FCHO2: variants seen among roughly 807,000 people sequenced by gnomAD.
FCHO2 encodes FCH and mu domain containing endocytic adaptor 2, also known as F-BAR domain only protein 2.
FCHO2 carries 43 observed loss-of-function variants against 114.1 expected under a neutral mutation model. That is an observed-to-expected ratio of 0.38 (90% CI 0.30 to 0.49). The LOEUF (loss-of-function observed/expected upper bound fraction) is 0.49. Ranked by LOEUF, FCHO2 falls within the 20% of genes least tolerant of loss-of-function variation. FCHO2 has a pLI of 0.97. For missense variants in FCHO2, 807 were observed against 950.4 expected, an observed-to-expected ratio of 0.85 and a Z score of 1.98; for synonymous variants, 293 against 315.2, an observed-to-expected ratio of 0.93 and a Z score of 0.75.
chr5:73,005,217 C>G (rs1364051711), intron 5 of FCHO2, among the ~76,000 whole-genome samples: 1 of 152,156 alleles, frequency 6.6e-6, no homozygotes, highest in Non-Finnish European at 1.5e-5. Flanking sequence ...TCTTACCAAA[C>G]CCAAACCTCA....
In FCHO2 at chr5:73,051,292, T is replaced by A. The variant is rs991776817; in HGVS notation, c.940-57T>A. The A allele has an allele frequency of 9.2e-6, 11 of 1,193,608 alleles. No individual in the cohort carries two copies. The African/African-American group carries it at 1.7e-4, about 19-fold the overall frequency. The allele number at this position is 1,193,608 out of a possible 1,614,324, so 73.9% of individuals were successfully genotyped here. On this transcript the variant is annotated intron_variant, in intron 11 of 25. Coordinates refer to ENST00000430046, the MANE Select transcript of FCHO2 (RefSeq NM_138782.3). ...AATACCTGAGGCTACTTTGATAATC[T>A]CTAATAATTTTGTACATTGGAGTTG...
chr5:72,968,730 T>C, intron 2 of FCHO2, 141 bp downstream of exon 2: 1 of 612,908 alleles, frequency 1.6e-6, no homozygotes, highest in Non-Finnish European at 2.6e-6. Flanking sequence ...TATCTATCTA[T>C]TTGTATCTAT....
intron 22 of FCHO2, among the ~76,000 whole-genome samples, chr5:73,080,744 AT>A (rs1310860048): frequency 6.6e-6 from 1 of 152,184 alleles, no homozygotes; most frequent in Non-Finnish European, 1.5e-5. Flanking sequence ...ACAGGTGTTC[AT>A]TTATTCAACA....
rs779177400 is a variant in FCHO2 at position 73,041,347 on chromosome 5, T to G, written c.939+32T>G. 16 of 1,362,588 alleles carry G rather than the reference T, an allele frequency of 1.2e-5. No homozygotes were observed. The African/African-American group carries it at 2.2e-4, about 18-fold the overall frequency. The allele number at this position is 1,362,588 out of a possible 1,614,324, so 84.4% of individuals were successfully genotyped here. On this transcript the variant is annotated intron_variant, in intron 11 of 25. Transcript: ENST00000430046. The stretch of plus-strand genomic sequence containing the variant: ...AGATTTAACTTTGATATAAACAATT[T>G]AAATTAGTTATTTTCATTAGGACAA...
At chr5:72,965,804 G>C (rs551114381) in intron 1 of FCHO2, among the ~76,000 whole-genome samples, 31 of 152,160 alleles carry the variant, frequency 2.0e-4, no homozygotes, top group Non-Finnish European at 3.8e-4. Context: ...GACTTGTCCA[G>C]GGTTGTCTAT....
intron 6 of FCHO2, among the ~76,000 whole-genome samples, chr5:73,015,103 A>G (rs1199863488): frequency 6.6e-6 from 1 of 150,490 alleles, no homozygotes; most frequent in Non-Finnish European, 1.5e-5. Flanking sequence ...AAAAAGCTCC[A>G]AATTCTAGAA....
At chr5:72,978,695 A>G (rs943860433) in intron 2 of FCHO2, among the ~76,000 whole-genome samples, 4 of 152,184 alleles carry the variant, frequency 2.6e-5, no homozygotes, top group Non-Finnish European at 5.9e-5. Flanking sequence ...ATGGATTTCA[A>G]AGGGAATGCT....
At chr5:72,996,527 AC>A (rs1754112170) in intron 5 of FCHO2, among the ~76,000 whole-genome samples, 1 of 145,658 alleles carries the variant, frequency 6.9e-6, no homozygotes, top group Admixed American at 6.8e-5. Flanking sequence ...CTCTCTGCTT[AC>A]CCCCCTCCCT....
intron 17 of FCHO2, among the ~76,000 whole-genome samples, chr5:73,059,503 C>T (rs1757752202): frequency 6.6e-6 from 1 of 152,074 alleles, no homozygotes; most frequent in South Asian, 2.1e-4. Context: ...CTATCTGTCA[C>T]ACTTTGGCAG....
chr5:72,967,960 T>G (rs1459907512), intron 1 of FCHO2, among the ~76,000 whole-genome samples: 1 of 149,390 alleles, frequency 6.7e-6, no homozygotes, highest in African/African-American at 2.5e-5. Context: ...AGTCTTGCTC[T>G]GTCACCCAGG....
intron 1 of FCHO2, among the ~76,000 whole-genome samples, chr5:72,963,214 T>C (rs1751972140): frequency 6.6e-6 from 1 of 152,108 alleles, no homozygotes; most frequent in South Asian, 2.1e-4. Context: ...TTGGAAAGTA[T>C]AATATAAGTA....
chr5:73,088,032 A>T, intron 25 of FCHO2, 36 bp from the exon 26 acceptor site: 1 of 1,612,282 alleles, frequency 6.2e-7, no homozygotes, highest in South Asian at 1.1e-5. Context: ...GTGCATTTGA[A>T]ATTGTAATTG....
chr5:72,971,336 A>G (rs1040592507), intron 2 of FCHO2, among the ~76,000 whole-genome samples: 4 of 151,062 alleles, frequency 2.6e-5, no homozygotes, highest in South Asian at 4.2e-4. Context: ...AAGTGTTCCT[A>G]TTTCTCCACA....
intron 6 of FCHO2, among the ~76,000 whole-genome samples, chr5:73,012,911 T>G (rs1389364038): frequency 6.6e-6 from 1 of 152,182 alleles, no homozygotes; most frequent in Non-Finnish European, 1.5e-5. Flanking sequence ...AAGATATTTC[T>G]AAATAAATAA....
chr5:73,016,227 T>C (rs1478537307), intron 7 of FCHO2, among the ~76,000 whole-genome samples: 8 of 152,020 alleles, frequency 5.3e-5, no homozygotes, highest in Admixed American at 5.2e-4. Flanking sequence ...GGCAGGAAGA[T>C]TACTTGAGCC....
At position 73,071,425 on chromosome 5, in the gene FCHO2, T is replaced by C. The variant is rs57605962; in HGVS notation, c.1579+2646T>C. ...GGAGATGATAGGAGATAGTAGGGAG[T>C]GGGTGTCTGTGTTTTATTTCTGAGC... On this transcript the variant is annotated intron_variant, in intron 19 of 25. Transcript: ENST00000430046. 4.3e-3 allele frequency among the ~76,000 whole-genome samples: 649 copies of C among 151,888 alleles called. 7 individuals carry two copies. The highest frequency in any genetic ancestry group is 0.015 in the African/African-American group (619 of 41,464).
At chr5:73,079,889 A>G (rs1186933512) in intron 22 of FCHO2, among the ~76,000 whole-genome samples, 2 of 152,176 alleles carry the variant, frequency 1.3e-5, no homozygotes, top group Non-Finnish European at 2.9e-5. Context: ...GAACAACTGT[A>G]TATGTATTTC....
At chr5:72,997,436 C>T in intron 5 of FCHO2, 1 of 1,599,458 alleles carries the variant, frequency 6.3e-7, no homozygotes, top group Admixed American at 1.7e-5. Context: ...CTCTTTGGTC[C>T]ACAGTGACCT....
rs536713110 is a variant in FCHO2, at chr5:73,026,500, C to T, written c.797-8157C>T. ...AAAAAAAATTGTATACATAAGTTAA[C>T]CTATTTCTCTGATGCTGCAAAATGA... On this transcript the variant is annotated intron_variant, in intron 8 of 25. Transcript: ENST00000430046. Among the ~76,000 whole-genome samples, 5 of 151,978 alleles carry T rather than the reference C, an allele frequency of 3.3e-5. No homozygotes were observed. The South Asian group carries it at 8.3e-4, about 25-fold the overall frequency.
Sources: gnomAD v4.1 joint callset for allele counts (sites outside exome capture counted in the v4.1 genomes callset) on GRCh38, gnomAD v4.1.1 for gene constraint, MANE v1.5 for transcripts, NCBI Gene and HGNC (gene_info 2026-07-23, HGNC 2026-07-21) for gene names.